Variants in COL24A1 observed in about 807,000 individuals in gnomAD.
COL24A1 encodes the protein collagen type XXIV alpha 1 chain, also known as collagen alpha-1(XXIV) chain.
COL24A1 carries 224 observed loss-of-function variants against 253.9 expected under a neutral mutation model. That is an observed-to-expected ratio of 0.88 (90% confidence interval 0.79 to 0.99). COL24A1 has a LOEUF of 0.99. Ranked by LOEUF, COL24A1 falls within the 50% of genes least tolerant of loss-of-function variation. The pLI, the probability that COL24A1 is intolerant of heterozygous loss-of-function variation, is 0.00. For missense variants in COL24A1, 2,131 were observed against 2,068.5 expected, an observed-to-expected ratio of 1.03 and a Z score of -0.59; for synonymous variants, 685 against 673.7, an observed-to-expected ratio of 1.02 and a Z score of -0.26.
chr1:85,966,588 A>G (rs1691591587), intron 22 of COL24A1, among the ~76,000 whole-genome samples: 1 of 152,188 alleles, frequency 6.6e-6, no homozygotes, highest in Non-Finnish European at 1.5e-5. Flanking sequence ...TTAGAAAAAT[A>G]TTTAATTTGA....
At chr1:85,901,329 T>C (rs1369502656) in intron 28 of COL24A1, among the ~76,000 whole-genome samples, 1 of 151,832 alleles carries the variant, frequency 6.6e-6, no homozygotes, top group Non-Finnish European at 1.5e-5. Context: ...ATCAGGAAAA[T>C]GGAAATCAAA....
At chr1:86,004,579 C>CCT (rs113697861) in intron 19 of COL24A1, among the ~76,000 whole-genome samples, 27,588 of 152,020 alleles carry the variant, frequency 0.18, 3,162 homozygotes, top group African/African-American at 0.32. Flanking sequence ...ATCACTGACC[C>CCT]ATATGGAGTT....
intron 55 of COL24A1, among the ~76,000 whole-genome samples, chr1:85,757,298 C>T (rs1031860584): frequency 9.2e-5 from 14 of 152,026 alleles, no homozygotes; most frequent in Admixed American, 9.2e-4. Context: ...GGCAATTTGT[C>T]CTCTAGGTAT....
At chr1:85,816,083 T>A (rs2101921172) in intron 47 of COL24A1, among the ~76,000 whole-genome samples, 1 of 152,260 alleles carries the variant, frequency 6.6e-6, no homozygotes. Flanking sequence ...CTGATTTGGC[T>A]ACTACCCCTG....
chr1:85,829,689 C>A (rs1674916153), intron 43 of COL24A1, among the ~76,000 whole-genome samples: 1 of 152,060 alleles, frequency 6.6e-6, no homozygotes, highest in Non-Finnish European at 1.5e-5. Context: ...TCCATCACTG[C>A]TACCCTTTCT....
chr1:85,873,124 A>C (rs1328402792), intron 35 of COL24A1, among the ~76,000 whole-genome samples: 1 of 152,194 alleles, frequency 6.6e-6, no homozygotes, highest in Non-Finnish European at 1.5e-5. Flanking sequence ...GCAAATCAAA[A>C]CCACAATGAG....
intron 43 of COL24A1, among the ~76,000 whole-genome samples, chr1:85,827,623 A>G (rs553432809): frequency 8.0e-4 from 121 of 152,134 alleles, no homozygotes; most frequent in African/African-American, 2.9e-3. Context: ...ATCTATTCAG[A>G]GATTCAACTT....
rs565529719 is a variant in COL24A1, at chr1:85,941,920, G to A, written c.2562+19329C>T. The stretch of plus-strand genomic sequence containing the variant: ...TGTCTAGCAGCATACTGGGCACATA[G>A]TAGGTGTTCAGTAAAGATATATAGA... On this transcript the variant is annotated intron_variant, in intron 24 of 59. Coordinates refer to ENST00000370571, the MANE Select transcript of COL24A1 (RefSeq NM_152890.7). 5.3e-5 allele frequency among the ~76,000 whole-genome samples: 8 copies of A among 152,256 alleles called. No individual in the cohort carries two copies. In the South Asian group the frequency reaches 1.7e-3, roughly 32 times the overall value.
In COL24A1 at chr1:85,869,840, CACA is replaced by C. The variant is rs142840951; in HGVS notation, c.3139-1008_3139-1006del. ...TCATAATGACAGGATCATATTCACACACAACGATATTAACCTTAGATGTAAATG... is the reference window on the plus strand; with the variant it reads ...TCATAATGACAGGATCATATTCACACACGATATTAACCTTAGATGTAAATG... On this transcript the variant is annotated intron_variant, in intron 35 of 59. Transcript: ENST00000370571. 3.2e-3 allele frequency among the ~76,000 whole-genome samples: 481 copies of C among 152,270 alleles called. 5 individuals carry two copies. The highest frequency in any genetic ancestry group is 4.4e-3 in the Non-Finnish European group (296 of 68,034).
intron 20 of COL24A1, among the ~76,000 whole-genome samples, chr1:85,980,793 C>T (rs987455237): frequency 3.9e-5 from 6 of 152,036 alleles, no homozygotes; most frequent in South Asian, 4.2e-4. Flanking sequence ...CCTGTAGTCC[C>T]AGCTACTTGA....
intron 32 of COL24A1, among the ~76,000 whole-genome samples, chr1:85,881,073 A>G (rs1681777531): frequency 6.6e-6 from 1 of 152,138 alleles, no homozygotes. Flanking sequence ...GAAATATTCT[A>G]TTGTTTCTAT....
At chr1:85,897,226 G>C (rs751963573) in intron 28 of COL24A1, among the ~76,000 whole-genome samples, 1 of 152,108 alleles carries the variant, frequency 6.6e-6, no homozygotes, top group Admixed American at 6.6e-5. Flanking sequence ...ACATGGTGAG[G>C]AACAACACAC....
At chr1:85,880,696 G>T (rs908873625) in intron 32 of COL24A1, among the ~76,000 whole-genome samples, 3 of 146,478 alleles carry the variant, frequency 2.0e-5, no homozygotes, top group African/African-American at 7.7e-5. Flanking sequence ...AAAAGCTGAG[G>T]AAGTGCCCCT....
chr1:85,738,684 G>A (rs1664309110), intron 57 of COL24A1, among the ~76,000 whole-genome samples: 1 of 152,168 alleles, frequency 6.6e-6, no homozygotes, highest in South Asian at 2.1e-4. Flanking sequence ...TTTTTCTACA[G>A]TAGGCAGAAG....
intron 7 of COL24A1, among the ~76,000 whole-genome samples, chr1:86,068,433 C>G (rs1406003176): frequency 6.6e-6 from 1 of 152,180 alleles, no homozygotes; most frequent in Non-Finnish European, 1.5e-5. Flanking sequence ...TGGACCAGCC[C>G]TAGCCAGAAG....
intron 46 of COL24A1, among the ~76,000 whole-genome samples, chr1:85,817,510 C>T (rs771971350): frequency 6.6e-5 from 10 of 151,750 alleles, no homozygotes; most frequent in Non-Finnish European, 1.0e-4. Flanking sequence ...CTAGGGGACA[C>T]CAGTAAAGTC....
intron 58 of COL24A1, 57 bp from the exon 59 acceptor site, chr1:85,735,021 T>C: frequency 1.3e-6 from 2 of 1,542,910 alleles, no homozygotes; most frequent in East Asian, 4.6e-5. Flanking sequence ...AACTTAACAG[T>C]TCAGGAAAAC....
At chr1:85,924,905 T>C (rs1687005839) in intron 24 of COL24A1, among the ~76,000 whole-genome samples, 1 of 152,214 alleles carries the variant, frequency 6.6e-6, no homozygotes, top group Non-Finnish European at 1.5e-5. Flanking sequence ...GAGGACATGA[T>C]TGTATACTTA....
chr1:85,802,883 G>A (rs1375275493), intron 47 of COL24A1, among the ~76,000 whole-genome samples: 1 of 152,106 alleles, frequency 6.6e-6, no homozygotes, highest in East Asian at 1.9e-4. Flanking sequence ...ATTCATTCAT[G>A]TTGAAGCATG....
Sources: allele counts gnomAD v4.1 joint callset (sites outside exome capture counted in the v4.1 genomes callset), GRCh38; gene constraint gnomAD v4.1.1; transcripts MANE v1.5; gene names NCBI Gene and HGNC (gene_info 2026-07-23, HGNC 2026-07-21).